The following GTF3C1 variants were observed in gnomAD, a reference collection of about 807,000 sequenced individuals.
GTF3C1 encodes general transcription factor IIIC subunit 1.
A neutral mutation model predicts 226.7 loss-of-function variants in GTF3C1; 57 were observed. The ratio of observed to expected loss-of-function variants is 0.25; its 90% CI spans 0.20 to 0.31. The LOEUF is 0.31. Ranked by LOEUF, GTF3C1 falls within the 10% of genes least tolerant of loss-of-function variation. GTF3C1 has a pLI of 1.00. For missense variants in GTF3C1, 2,217 were observed against 2,776.1 expected, an observed-to-expected ratio of 0.80 and a Z score of 4.53; for synonymous variants, 1,090 against 1,084.8, an observed-to-expected ratio of 1.00 and a Z score of -0.09.
chr16:27,541,487 C>T (rs1023955116), intron 2 of GTF3C1, among the ~76,000 whole-genome samples: 1 of 152,128 alleles, frequency 6.6e-6, no homozygotes, highest in African/African-American at 2.4e-5. Context: ...TAGCGGTGAA[C>T]AAGAAGGATA....
At chr16:27,476,372 G>A in intron 29 of GTF3C1, 79 bp downstream of exon 29, 1 of 862,680 alleles carries the variant, frequency 1.2e-6, no homozygotes, top group South Asian at 1.4e-5. Context: ...CAGCGGAGAA[G>A]GGCAGGGGCC....
At chr16:27,506,243 T>C in intron 9 of GTF3C1, 127 bp from the exon 10 acceptor site, 1 of 607,856 alleles carries the variant, frequency 1.6e-6, no homozygotes, top group Non-Finnish European at 2.9e-6. Context: ...GTGAGGGAAG[T>C]GGACCAGCAG....
intron 16 of GTF3C1, among the ~76,000 whole-genome samples, chr16:27,494,295 G>T (rs2088278787): frequency 6.6e-6 from 1 of 151,742 alleles, no homozygotes; most frequent in Admixed American, 6.6e-5. Flanking sequence ...CAGCTACTTG[G>T]GAGGCTGAGG....
rs1353906317 is a variant in GTF3C1 at position 27,494,652 on chromosome 16, C to T, written c.2778+111G>A. On this transcript the variant is annotated intron_variant, in intron 16 of 36. Transcript: ENST00000356183. ...CTATCCATCTATCCACCAATCCATTCATCTGGGCAACACCGGGTCTTCAAG... is the reference window on the plus strand; with the variant it reads ...CTATCCATCTATCCACCAATCCATTTATCTGGGCAACACCGGGTCTTCAAG... 7.0e-6 allele frequency: 5 copies of T among 718,808 alleles called. No homozygotes were observed. The Admixed American group carries it at 7.1e-5, about 10-fold the overall frequency. The allele number at this position is 718,808 out of a possible 1,614,324, so 44.5% of individuals were successfully genotyped here.
intron 27 of GTF3C1, among the ~76,000 whole-genome samples, chr16:27,479,489 G>A (rs972647904): frequency 5.9e-5 from 9 of 152,180 alleles, no homozygotes; most frequent in Non-Finnish European, 1.3e-4. Flanking sequence ...GACTGCAATA[G>A]TAAATTCCTC....
At position 27,492,822 on chromosome 16, in the gene GTF3C1, G is replaced by C; in HGVS notation, c.2877-109C>G. The C allele has an allele frequency of 4.1e-6, 3 of 724,110 alleles. No homozygotes were observed. The highest frequency in any genetic ancestry group is 7.5e-6 in the Non-Finnish European group (3 of 401,992). 44.9% of individuals were successfully genotyped at this position (724,110 alleles called of 1,614,324 possible). ...GACTTCCTTCTTCTCTTTTCCACCT[G>C]GTGGTCACTGGAGGACCAGCCTCAA... On this transcript the variant is annotated intron_variant, in intron 17 of 36. Coordinates refer to ENST00000356183, the MANE Select transcript of GTF3C1 (RefSeq NM_001520.4). This position sits in a 1 kb window ranked among gnomAD's most constrained non-coding sequence, Gnocchi z 5.0.
rs954280421 is a variant in GTF3C1 at position 27,465,727 on chromosome 16, A to G, written c.5075-187T>C. 1.0e-5 allele frequency: 6 copies of G among 599,158 alleles called. No homozygotes were observed. The African/African-American group carries it at 1.1e-4, about 11-fold the overall frequency. 37.1% of individuals were successfully genotyped at this position (599,158 alleles called of 1,614,324 possible). On this transcript the variant is annotated intron_variant, in intron 32 of 36. Transcript: ENST00000356183. ...AGTCAGGCTCCTGATCCGTGACCCT[A>G]GGCCTCTGACTACAGCTGACTGGGA...
Position 27,469,863 on chromosome 16 carries a change from T to A in GTF3C1, c.4814+245A>T, listed in dbSNP as rs114826037. Among the ~76,000 whole-genome samples, 825 of 152,090 alleles carry A rather than the reference T, an allele frequency of 5.4e-3. 10 individuals are homozygous for A. Among genetic ancestry groups the A allele is most frequent in the African/African-American group, 0.019 (790 of 41,462 alleles). ...TCTGTTGCGAGGCCCTCAGGAACAG[T>A]CCTCCCTTCTCTTCCCTGCCCCTCC... On this transcript the variant is annotated intron_variant, in intron 31 of 36. Coordinates refer to ENST00000356183, the MANE Select transcript of GTF3C1 (RefSeq NM_001520.4). This position sits in a 1 kb window ranked among gnomAD's most constrained non-coding sequence, Gnocchi z 4.5.
chr16:27,462,593 G>A lies in GTF3C1; in HGVS notation c.5925-107C>T, dbSNP rs1393756502. On this transcript the variant is annotated intron_variant, in intron 35 of 36. Coordinates refer to ENST00000356183, the MANE Select transcript of GTF3C1 (RefSeq NM_001520.4). The surrounding 1 kb of genome is among the most constrained non-coding windows in gnomAD (Gnocchi z 4.5). The stretch of plus-strand genomic sequence containing the variant: ...GTCCTAGGCCTGGCCCAGGTCACAG[G>A]GCTGAGACCAGCCACCTCTTGCTCT... 2.6e-6 allele frequency: 2 copies of A among 759,312 alleles called. No individual in the cohort carries two copies. Among genetic ancestry groups the A allele is most frequent in the South Asian group, 1.7e-5 (1 of 59,960 alleles). The allele number at this position is 759,312 out of a possible 1,614,324, so 47.0% of individuals were successfully genotyped here. A position where few individuals can be genotyped will look rare whatever the true frequency, so the allele number is the denominator to read the frequency against.
intron 23 of GTF3C1, among the ~76,000 whole-genome samples, chr16:27,486,749 C>T (rs1420459897): frequency 6.6e-6 from 1 of 152,242 alleles, no homozygotes; most frequent in Non-Finnish European, 1.5e-5. Flanking sequence ...AACAGCACCA[C>T]CACCACCAAA....
At chr16:27,484,712 T>G (rs2088108888) in intron 24 of GTF3C1, among the ~76,000 whole-genome samples, 1 of 152,254 alleles carries the variant, frequency 6.6e-6, no homozygotes, top group South Asian at 2.1e-4. Flanking sequence ...GTGTCCTAAT[T>G]ATGCATCATG....
intron 6 of GTF3C1, among the ~76,000 whole-genome samples, chr16:27,516,910 T>A (rs973632367): frequency 3.3e-5 from 5 of 152,172 alleles, no homozygotes; most frequent in Non-Finnish European, 7.3e-5. Context: ...AGGGTTATAG[T>A]CATGGGTCAC....
At chr16:27,473,962 G>C (rs2087915193) in intron 29 of GTF3C1, among the ~76,000 whole-genome samples, 2 of 152,172 alleles carry the variant, frequency 1.3e-5, no homozygotes, top group South Asian at 4.1e-4. Context: ...ACTAGCGAAT[G>C]GGTGTATTCC....
intron 11 of GTF3C1, 60 bp downstream of exon 11, chr16:27,502,799 A>G (rs2088425954): frequency 2.6e-6 from 4 of 1,534,212 alleles, no homozygotes; most frequent in Middle Eastern, 3.4e-4. Context: ...GTGATGACCA[A>G]CTGGTAGGAG....
In GTF3C1 at chr16:27,469,971, G is replaced by A. The variant is rs1017513600; in HGVS notation, c.4814+137C>T. On this transcript the variant is annotated intron_variant, in intron 31 of 36. Transcript: ENST00000356183. The surrounding 1 kb of genome is among the most constrained non-coding windows in gnomAD (Gnocchi z 4.5). ...ACCAGCAGAGGACACCTTAGACACC[G>A]GCCTATAATCCCCAGTCACTCATCT... 24 of 733,138 alleles carry A rather than the reference G, an allele frequency of 3.3e-5. No individual in the cohort carries two copies. In the East Asian group the frequency reaches 4.2e-4, roughly 13 times the overall value. The allele number at this position is 733,138 out of a possible 1,614,324, so 45.4% of individuals were successfully genotyped here.
At position 27,538,117 on chromosome 16, in the gene GTF3C1, C is replaced by T; in HGVS notation, c.608+63G>A. 17 of 1,263,800 alleles carry T rather than the reference C, an allele frequency of 1.3e-5. No homozygotes were observed. In the South Asian group the frequency reaches 2.3e-4, roughly 17 times the overall value. The allele number at this position is 1,263,800 out of a possible 1,614,324, so 78.3% of individuals were successfully genotyped here. A position where few individuals can be genotyped will look rare whatever the true frequency, so the allele number is the denominator to read the frequency against. ...GGGAAGATACCACAGCAGGCCCCTG[C>T]ATTTGGGATTCAGGGTGCAATGACA... On this transcript the variant is annotated intron_variant, in intron 3 of 36. Coordinates refer to ENST00000356183, the MANE Select transcript of GTF3C1 (RefSeq NM_001520.4).
chr16:27,489,500 C>T (rs901542499), intron 20 of GTF3C1, 102 bp downstream of exon 20: 3 of 883,618 alleles, frequency 3.4e-6, no homozygotes, highest in African/African-American at 1.6e-5. Context: ...AGACACAGGC[C>T]GTCTGGCCTG....
In GTF3C1 at chr16:27,469,943, G is replaced by A. The variant is rs2087842983; in HGVS notation, c.4814+165C>T. The stretch of plus-strand genomic sequence containing the variant: ...TGGCTGATTCCCATAACACCTGGGA[G>A]GCACCAGCAGAGGACACCTTAGACA... On this transcript the variant is annotated intron_variant, in intron 31 of 36. Coordinates refer to ENST00000356183, the MANE Select transcript of GTF3C1 (RefSeq NM_001520.4). This position sits in a 1 kb window ranked among gnomAD's most constrained non-coding sequence, Gnocchi z 4.5. Among the ~76,000 whole-genome samples, 1 of 152,074 alleles carries A rather than the reference G, an allele frequency of 6.6e-6. No homozygotes were observed. The highest frequency in any genetic ancestry group is 2.4e-5 in the African/African-American group (1 of 41,394).
In GTF3C1 at chr16:27,501,270, C is replaced by T. The variant is rs1422706598; in HGVS notation, c.1982G>A (p.Arg661His). Reference sequence around the variant, plus strand: ...TTCCTCAGACAGGTTCCGCACCAAGCGGACAATGGACTTCTTGCAGCACTT... The same window carrying T: ...TTCCTCAGACAGGTTCCGCACCAAGTGGACAATGGACTTCTTGCAGCACTT... ...STKCCKKSIV[R>H]LVRNLSEEGL... The change falls in exon 12 of 37, where the codon CGC becomes CAC. Residue 661 changes from arginine to histidine, a missense_variant. Transcript: ENST00000356183. The T allele has an allele frequency of 6.2e-7, 1 of 1,613,858 alleles. No homozygotes were observed. The highest frequency in any genetic ancestry group is 8.5e-7 in the Non-Finnish European group (1 of 1,179,726).
Sources: allele counts gnomAD v4.1 joint callset (sites outside exome capture counted in the v4.1 genomes callset), GRCh38; gene constraint gnomAD v4.1.1; non-coding constraint Gnocchi (gnomAD v3.1); transcripts MANE v1.5; gene names NCBI Gene and HGNC (gene_info 2026-07-23, HGNC 2026-07-21).